The following DLST variants were observed in gnomAD, a reference collection of about 807,000 sequenced individuals.
The protein encoded by DLST is dihydrolipoamide S-succinyltransferase, also known as dihydrolipoyllysine-residue succinyltransferase component of 2-oxoglutarate dehydrogenase complex, mitochondrial.
In DLST, 17 loss-of-function variants were observed where a neutral mutation model predicts 53.1. The observed-to-expected ratio is 0.32, with a 90% confidence interval of 0.22 to 0.48. The LOEUF is 0.48. DLST is among the 20% of genes least tolerant of loss of function. The pLI, the probability that DLST is intolerant of heterozygous loss-of-function variation, is 0.99. For missense variants in DLST, 512 were observed against 583.9 expected, an observed-to-expected ratio of 0.88 and a Z score of 1.27; for synonymous variants, 206 against 204.8, an observed-to-expected ratio of 1.01 and a Z score of -0.05.
At chr14:74,886,488 G>T (rs955247593) in intron 3 of DLST, among the ~76,000 whole-genome samples, 2 of 152,036 alleles carry the variant, frequency 1.3e-5, no homozygotes, top group Admixed American at 6.6e-5. Context: ...CACCATGCCC[G>T]GTTGTTTTTT....
intron 7 of DLST, chr14:74,891,627 G>T (rs540167835): frequency 8.1e-6 from 8 of 985,740 alleles, no homozygotes; most frequent in Non-Finnish European, 8.4e-6. Context: ...TCTAGGAAGG[G>T]TTGGTATTTC....
At chr14:74,894,481 TC>T (rs1258813853) in intron 10 of DLST, 72 bp downstream of exon 10, 2 of 1,416,312 alleles carry the variant, frequency 1.4e-6, no homozygotes, top group Non-Finnish European at 1.9e-6. Flanking sequence ...CCACTCCTTA[TC>T]TAGTGCTGAT....
At chr14:74,882,654 T>A (rs1391142924) in intron 2 of DLST, 30 bp downstream of exon 2, 1 of 1,611,870 alleles carries the variant, frequency 6.2e-7, no homozygotes. Flanking sequence ...TCACCTAAAA[T>A]GCTCTCCTCC....
intron 3 of DLST, 59 bp downstream of exon 3, chr14:74,885,693 A>C: frequency 6.6e-7 from 1 of 1,510,360 alleles, no homozygotes; most frequent in Non-Finnish European, 8.9e-7. Flanking sequence ...AAAGACATAA[A>C]GTTCTAAATT....
intron 7 of DLST, 57 bp downstream of exon 7, chr14:74,891,224 T>C (rs1320762345): frequency 1.2e-6 from 2 of 1,610,042 alleles, no homozygotes; most frequent in East Asian, 2.2e-5. Flanking sequence ...GGATTGGGAC[T>C]GAGCATAATG....
chr14:74,890,634 G>A (rs1222480807), intron 6 of DLST, among the ~76,000 whole-genome samples: 1 of 152,178 alleles, frequency 6.6e-6, no homozygotes, highest in Non-Finnish European at 1.5e-5. Context: ...TATCACCCTT[G>A]CTCTGAAATT....
At chr14:74,889,781 C>T (rs1262816989) in intron 5 of DLST, 116 bp from the exon 6 acceptor site, 5 of 956,222 alleles carry the variant, frequency 5.2e-6, no homozygotes, top group Non-Finnish European at 8.2e-6. Flanking sequence ...TACATATGTA[C>T]TTTCTGCTGG....
chr14:74,892,243 C>G (rs1340469388), intron 7 of DLST, among the ~76,000 whole-genome samples: 1 of 152,140 alleles, frequency 6.6e-6, no homozygotes, highest in Admixed American at 6.5e-5. Context: ...CCACCACGCC[C>G]AGCTAATTTT....
At chr14:74,888,258 G>T (rs1566790090) in intron 3 of DLST, among the ~76,000 whole-genome samples, 4 of 145,558 alleles carry the variant, frequency 2.7e-5, no homozygotes, top group African/African-American at 5.1e-5. Context: ...TTTGTGTGTG[G>T]TTTTTTTGTT....
rs962076127 is a variant in DLST at position 74,890,103 on chromosome 14, A to T, written c.330+151A>T. 8.9e-6 allele frequency: 6 copies of T among 674,244 alleles called. 1 individual carries two copies. The East Asian group carries it at 1.8e-4, about 21-fold the overall frequency. 41.8% of individuals were successfully genotyped at this position (674,244 alleles called of 1,614,324 possible). On this transcript the variant is annotated intron_variant, in intron 6 of 14. Coordinates refer to ENST00000334220, the MANE Select transcript of DLST (RefSeq NM_001933.5). The stretch of plus-strand genomic sequence containing the variant: ...TATTGGATTTGTTCAATTTAAAAAA[A>T]AAACAACTTTTTACATTTAACTTTT...
chr14:74,890,007 A>C (rs901488156), intron 6 of DLST, 55 bp downstream of exon 6: 93 of 1,530,720 alleles, frequency 6.1e-5, no homozygotes, highest in Non-Finnish European at 7.9e-5. Flanking sequence ...TAGTTAACCT[A>C]ATGAAAGAAA....
rs561614070 is a variant in DLST at position 74,902,432 on chromosome 14, C to A, written c.*102C>A. Reference sequence around the variant, plus strand: ...GGGTTAGCCTGGTGACAGGCAGACACATGCTGTTGGCCTCAAGCAAGGAAG... The same window carrying A: ...GGGTTAGCCTGGTGACAGGCAGACAAATGCTGTTGGCCTCAAGCAAGGAAG... On this transcript the variant is annotated 3_prime_UTR_variant, in exon 15 of 15. Transcript: ENST00000334220. 7.1e-5 allele frequency: 101 copies of A among 1,418,960 alleles called. No homozygotes were observed. The African/African-American group carries it at 1.4e-3, about 19-fold the overall frequency. 87.9% of individuals were successfully genotyped at this position (1,418,960 alleles called of 1,614,324 possible).
intron 10 of DLST, among the ~76,000 whole-genome samples, chr14:74,896,232 G>T (rs1884075262): frequency 1.3e-5 from 2 of 152,224 alleles, no homozygotes; most frequent in African/African-American, 2.4e-5. Flanking sequence ...TCCAGATGAT[G>T]TTAACAGTGT....
At position 74,882,129 on chromosome 14, in the gene DLST, T is replaced by G. The variant is rs1883539404; in HGVS notation, c.63+113T>G. The G allele has an allele frequency of 3.0e-6, 3 of 1,008,172 alleles. No individual in the cohort carries two copies. The South Asian group carries it at 1.1e-4, about 36-fold the overall frequency. The allele number at this position is 1,008,172 out of a possible 1,614,324, so 62.5% of individuals were successfully genotyped here. A position where few individuals can be genotyped will look rare whatever the true frequency, so the allele number is the denominator to read the frequency against. On this transcript the variant is annotated intron_variant, in intron 1 of 14. Coordinates refer to ENST00000334220, the MANE Select transcript of DLST (RefSeq NM_001933.5). ...CGGCCGGGCCGGGCACCAAGGGCACTGGGACGCGGAGGCCGCGCGGGCTGG... is the reference window on the plus strand; with the variant it reads ...CGGCCGGGCCGGGCACCAAGGGCACGGGGACGCGGAGGCCGCGCGGGCTGG...
Position 74,898,484 on chromosome 14 carries a change from C to T in DLST, c.886C>T (p.Pro296Ser), listed in dbSNP as rs1884141743. 2 of 1,614,074 alleles carry T rather than the reference C, an allele frequency of 1.2e-6. No individual in the cohort carries two copies. Among genetic ancestry groups the T allele is most frequent in the African/African-American group, 1.3e-5 (1 of 75,040 alleles). The part of the protein sequence containing the change: ...KASAFALQEQ[P>S]VVNAVIDDTT... ...CTCAGCCTTTGCCTTGCAGGAACAG[C>T]CTGTTGTAAATGCAGGTGAGTTGCT... The change falls in exon 11 of 15, where the codon CCT (proline) becomes TCT (serine). Residue 296 changes from proline to serine, a missense_variant. Around this residue, in one of 4 missense-constraint regions of DLST, gnomAD observed 186 missense variants for 260.4 expected, o/e 0.71. Transcript: ENST00000334220.
intron 2 of DLST, among the ~76,000 whole-genome samples, chr14:74,885,257 T>C (rs1883662474): frequency 6.6e-6 from 1 of 152,220 alleles, no homozygotes; most frequent in Non-Finnish European, 1.5e-5. Context: ...GTAGAGACAT[T>C]TTATTATGAA....
At chr14:74,893,209 A>G in intron 8 of DLST, 139 bp from the exon 9 acceptor site, 2 of 1,084,848 alleles carry the variant, frequency 1.8e-6, no homozygotes, top group Non-Finnish European at 2.7e-6. Flanking sequence ...CAGATTGTTC[A>G]TCTGTGAAGT....
intron 8 of DLST, 133 bp downstream of exon 8, chr14:74,893,119 T>C (rs1594877484): frequency 4.1e-6 from 5 of 1,223,390 alleles, no homozygotes; most frequent in East Asian, 2.5e-5. Flanking sequence ...TTCTAGACTT[T>C]GTATCCAAAG....
intron 2 of DLST, among the ~76,000 whole-genome samples, chr14:74,883,971 A>G (rs540379501): frequency 6.6e-6 from 1 of 152,370 alleles, no homozygotes; most frequent in Admixed American, 6.5e-5. Flanking sequence ...CGACAAGGGC[A>G]TAAATTTTGG....
Sources: allele counts gnomAD v4.1 joint callset (sites outside exome capture counted in the v4.1 genomes callset), GRCh38; gene constraint gnomAD v4.1.1; regional missense constraint gnomAD v4.1.1; transcripts MANE v1.5; gene names NCBI Gene and HGNC (gene_info 2026-07-23, HGNC 2026-07-21).